Variants in NAPEPLD observed in about 807,000 individuals in gnomAD.
NAPEPLD encodes the protein N-acyl phosphatidylethanolamine phospholipase D, also known as N-acyl-phosphatidylethanolamine-hydrolyzing phospholipase D.
In NAPEPLD, 23 loss-of-function variants were observed where a neutral mutation model predicts 38.1. The observed-to-expected ratio is 0.60, with a 90% CI of 0.43 to 0.86. The LOEUF (loss-of-function observed/expected upper bound fraction) is 0.86. Among genes scored for constraint, NAPEPLD ranks in the 40% least tolerant of loss-of-function variants. The pLI is 0.00. For synonymous variants in NAPEPLD, 147 were observed against 162.0 expected (o/e 0.91, Z 0.71); for missense variants, 411 against 476.8 (o/e 0.86, Z 1.28).
chr7:103,130,497 A>C (rs1372526274), intron 1 of NAPEPLD, among the ~76,000 whole-genome samples: 2 of 152,232 alleles, frequency 1.3e-5, no homozygotes, highest in African/African-American at 2.4e-5. Flanking sequence ...GGTTTCTCTC[A>C]AAGGATCAAA....
In NAPEPLD at chr7:103,103,537, T is replaced by A. The variant is rs1226957985; in HGVS notation, c.1074A>T (p.Pro358=). ...TCTCTAGAGCTTCATTCAGCTTCAC[T>A]GGAGGCTCTAAGTAATGCTGGCCAA... is the stretch of plus-strand genomic sequence containing the variant. ...ALANEHYLEP[P]VKLNEALERY... is the part of the protein sequence containing the mutation. Residue 358 remains proline, a synonymous_variant, in exon 5 of 5, where the codon CCA becomes CCT. Transcript: ENST00000465647. 6.3e-7 allele frequency: 1 copy of A among 1,589,024 alleles called. No homozygotes were observed. Among genetic ancestry groups the A allele is most frequent in the Non-Finnish European group, 8.5e-7 (1 of 1,173,382 alleles).
At chr7:103,143,565 G>A (rs902243672) in intron 1 of NAPEPLD, among the ~76,000 whole-genome samples, 5 of 152,130 alleles carry the variant, frequency 3.3e-5, no homozygotes, top group African/African-American at 1.2e-4. Context: ...TTAAGGGAAA[G>A]GGAGGCATTC....
At chr7:103,122,137 T>C (rs996966150) in intron 2 of NAPEPLD, among the ~76,000 whole-genome samples, 5 of 151,710 alleles carry the variant, frequency 3.3e-5, no homozygotes, top group African/African-American at 9.7e-5. Flanking sequence ...GGGTGGGTTT[T>C]ACCATGTTGC....
At chr7:103,141,296 T>C in intron 1 of NAPEPLD, 1 of 510,230 alleles carries the variant, frequency 2.0e-6, no homozygotes, top group Admixed American at 2.8e-5. Flanking sequence ...TTTACTTTAA[T>C]GGCTGATCTA....
rs79674902 is a variant in NAPEPLD, at chr7:103,121,915, T to C, written c.295-1692A>G. Among the ~76,000 whole-genome samples, 1,154 of 152,124 alleles carry C rather than the reference T, an allele frequency of 7.6e-3. 18 individuals are homozygous for C. Among genetic ancestry groups the C allele is most frequent in the African/African-American group, 0.027 (1,110 of 41,510 alleles). On this transcript the variant is annotated intron_variant, in intron 2 of 4. Transcript: ENST00000465647. ...GTGACTTGTGTGAGTTCCTGAAGAA[T>C]GATGAGAAACTCATGATGCAGAGAA...
At chr7:103,106,841 G>C (rs1018950652) in intron 4 of NAPEPLD, among the ~76,000 whole-genome samples, 1 of 152,094 alleles carries the variant, frequency 6.6e-6, no homozygotes, top group South Asian at 2.1e-4. Flanking sequence ...AGACTTAAAC[G>C]TCCCTGCCTG....
At chr7:103,143,820 T>C (rs1321983038) in intron 1 of NAPEPLD, among the ~76,000 whole-genome samples, 1 of 152,202 alleles carries the variant, frequency 6.6e-6, no homozygotes, top group Non-Finnish European at 1.5e-5. Flanking sequence ...AGGGGAGCTA[T>C]AAAAACACCA....
At chr7:103,116,046 C>T (rs991888569) in intron 3 of NAPEPLD, among the ~76,000 whole-genome samples, 2 of 126,534 alleles carry the variant, frequency 1.6e-5, no homozygotes, top group Non-Finnish European at 3.4e-5. Flanking sequence ...CTGGTTTTTG[C>T]CAGTTTTTTC....
intron 1 of NAPEPLD, among the ~76,000 whole-genome samples, chr7:103,145,680 C>T (rs1048590250): frequency 2.6e-5 from 4 of 152,154 alleles, no homozygotes; most frequent in Non-Finnish European, 5.9e-5. Context: ...TTTACCTAAT[C>T]GGTAAACCAA....
rs761367167 is a variant in NAPEPLD at position 103,100,106 on chromosome 7, A to G, written c.*3323T>C. The G allele has an allele frequency of 4.6e-5, 7 of 152,348 alleles. No individual in the cohort carries two copies. The highest frequency in any genetic ancestry group is 1.0e-4 in the Non-Finnish European group (7 of 68,018). 9.4% of individuals were successfully genotyped at this position (152,348 alleles called of 1,614,324 possible). On this transcript the variant is annotated 3_prime_UTR_variant, in exon 5 of 5. Transcript: ENST00000465647. ...TGTGTGTTCTCAATGTTACCCTGATACAGAAATCAAACTTGGAAGAAATAT... is the reference window on the plus strand; with the variant it reads ...TGTGTGTTCTCAATGTTACCCTGATGCAGAAATCAAACTTGGAAGAAATAT...
At chr7:103,125,625 G>C (rs1012527903) in intron 2 of NAPEPLD, among the ~76,000 whole-genome samples, 31 of 152,176 alleles carry the variant, frequency 2.0e-4, no homozygotes, top group Non-Finnish European at 4.4e-5. Flanking sequence ...GCTCATGCCT[G>C]TAATCCCAGC....
At chr7:103,148,202 G>GA in intron 1 of NAPEPLD, 2 of 679,540 alleles carry the variant, frequency 2.9e-6, no homozygotes, top group Non-Finnish European at 1.8e-6. Context: ...ATGACTTCCT[G>GA]GACAAATTAA....
At position 103,115,948 on chromosome 7, in the gene NAPEPLD, G is replaced by T. The variant is rs547651423; in HGVS notation, c.942-774C>A. On this transcript the variant is annotated intron_variant, in intron 3 of 4. Transcript: ENST00000465647. ...CAGTAACTTCTAGGTTGTTGCCATG[G>T]CCATTTATAAACTGTCATGGTGATG... 9.5e-4 allele frequency among the ~76,000 whole-genome samples: 145 copies of T among 152,316 alleles called. 2 individuals are homozygous for T. The highest frequency in any genetic ancestry group is 3.3e-3 in the African/African-American group (137 of 41,576).
chr7:103,116,307 T>A (rs1805566368), intron 3 of NAPEPLD, among the ~76,000 whole-genome samples: 2 of 152,154 alleles, frequency 1.3e-5, no homozygotes, highest in Admixed American at 6.6e-5. Flanking sequence ...GTGATCTGCC[T>A]GCCTCCACAT....
intron 4 of NAPEPLD, among the ~76,000 whole-genome samples, chr7:103,108,479 T>A (rs1393440557): frequency 1.3e-5 from 2 of 152,208 alleles, no homozygotes; most frequent in Admixed American, 1.3e-4. Context: ...GAATTTCATA[T>A]GCAGCCAAAC....
intron 1 of NAPEPLD, chr7:103,141,964 A>G (rs1486228439): frequency 3.8e-6 from 3 of 783,876 alleles, no homozygotes; most frequent in East Asian, 2.4e-5. Flanking sequence ...CAGCGAAAGG[A>G]AAGAGCTCCC....
intron 1 of NAPEPLD, among the ~76,000 whole-genome samples, chr7:103,146,369 A>C (rs1812566783): frequency 6.6e-6 from 1 of 151,888 alleles, no homozygotes; most frequent in Non-Finnish European, 1.5e-5. Flanking sequence ...AGATGTGACC[A>C]GTTCAAGAGT....
chr7:103,112,236 A>T (rs557204020), intron 4 of NAPEPLD, among the ~76,000 whole-genome samples: 2 of 152,352 alleles, frequency 1.3e-5, no homozygotes, highest in East Asian at 3.9e-4. Context: ...CATTTGACGC[A>T]GCAATCCCAT....
chr7:103,141,333 C>T (rs764365352), intron 1 of NAPEPLD: 44 of 558,342 alleles, frequency 7.9e-5, no homozygotes, highest in Non-Finnish European at 1.4e-4. Context: ...AGTATGTACA[C>T]ACAAAGGGGC....
Sources: gnomAD v4.1 joint callset for allele counts (sites outside exome capture counted in the v4.1 genomes callset) on GRCh38, gnomAD v4.1.1 for gene constraint, MANE v1.5 for transcripts, NCBI Gene and HGNC (gene_info 2026-07-23, HGNC 2026-07-21) for gene names.